The following USP31 variants were observed in gnomAD, a reference collection of about 807,000 sequenced individuals.
USP31 encodes ubiquitin carboxyl-terminal hydrolase 31.
In USP31, 44 loss-of-function variants were observed where a neutral mutation model predicts 119.4. The observed-to-expected ratio is 0.37, with a 90% CI of 0.29 to 0.47. The LOEUF is 0.47. Ranked by LOEUF, USP31 falls within the 20% of genes least tolerant of loss-of-function variation. The probability of loss-of-function intolerance (pLI) is 0.99; values close to 1 mark genes in which losing one functional copy is unlikely to be tolerated. For synonymous variants in USP31, 749 were observed against 705.6 expected (o/e 1.06, Z -0.97); for missense variants, 1,643 against 1,730.2 (o/e 0.95, Z 0.89).
At chr16:23,123,731 G>A (rs759256299) in intron 1 of USP31, among the ~76,000 whole-genome samples, 1 of 152,138 alleles carries the variant, frequency 6.6e-6, no homozygotes, top group South Asian at 2.1e-4. Flanking sequence ...CGGGCATGGT[G>A]TCTCATGCCT....
intron 1 of USP31, 115 bp downstream of exon 1, chr16:23,148,523 A>T (rs1218602311): frequency 1.5e-6 from 2 of 1,328,386 alleles, no homozygotes; most frequent in African/African-American, 3.1e-5. Context: ...GACCACTCGG[A>T]GCAACCAATG....
rs1900223085 is a variant in USP31, at chr16:23,069,013, C to A, written c.3092G>T (p.Gly1031Val). The A allele has an allele frequency of 6.2e-7, 1 of 1,613,702 alleles. No homozygotes were observed. The highest frequency in any genetic ancestry group is 1.3e-5 in the African/African-American group (1 of 74,914). ...STTKRSPSSKGTSEPEKSLRK... is the reference protein window; with the variant it reads ...STTKRSPSSKVTSEPEKSLRK... ...CAAGCTTTTCTCTGGCTCAGAAGTG[C>A]CTTTGGAACTGGGGGATCTCTTAGT... Residue 1031 changes from glycine to valine, a missense_variant, in exon 16 of 16, where the codon GGC (glycine) becomes GTC (valine). Physicochemically the swap from Gly to Val is moderately radical, Grantham distance 109 (BLOSUM62 -3). Coordinates refer to ENST00000219689, the MANE Select transcript of USP31 (RefSeq NM_020718.4).
Position 23,149,275 on chromosome 16 carries a change from G to A in USP31, c.-5C>T, listed in dbSNP as rs1455022634. The A allele has an allele frequency of 2.1e-4, 222 of 1,078,046 alleles. No individual in the cohort carries two copies. The highest frequency in any genetic ancestry group is 2.5e-4 in the Non-Finnish European group (220 of 890,996). 66.8% of individuals were successfully genotyped at this position (1,078,046 alleles called of 1,614,324 possible). A position where few individuals can be genotyped will look rare whatever the true frequency, so the allele number is the denominator to read the frequency against. On this transcript the variant is annotated 5_prime_UTR_variant, in exon 1 of 16. Coordinates refer to ENST00000219689, the MANE Select transcript of USP31 (RefSeq NM_020718.4). The stretch of plus-strand genomic sequence containing the variant: ...AGGCGCCGTTACCTTGGACATGGCG[G>A]CGGCCGCAGACACTCATCACCGCGC...
intron 1 of USP31, 82 bp from the exon 2 acceptor site, chr16:23,108,265 G>C: frequency 6.6e-7 from 1 of 1,503,836 alleles, no homozygotes. Context: ...TCGCAAAAGG[G>C]ATGCAAGATC....
At chr16:23,106,108 A>G (rs1294123529) in intron 4 of USP31, 105 bp downstream of exon 4, 12 of 1,226,360 alleles carry the variant, frequency 9.8e-6, no homozygotes, top group Non-Finnish European at 1.0e-5. Context: ...CCCATTATTA[A>G]TCCCATTACC....
At chr16:23,144,502 CAG>C (rs1903449335) in intron 1 of USP31, among the ~76,000 whole-genome samples, 1 of 151,632 alleles carries the variant, frequency 6.6e-6, no homozygotes. Context: ...TTTTTTGAGG[CAG>C]AGTCTCACTC....
chr16:23,069,600 T>A lies in USP31; in HGVS notation c.2505A>T (p.Arg835=). The A allele has an allele frequency of 6.2e-7, 1 of 1,607,864 alleles. No individual in the cohort carries two copies. The highest frequency in any genetic ancestry group is 8.5e-7 in the Non-Finnish European group (1 of 1,175,184). ...GACGCTGGACACTTCTCACAAATGGTCGAGTTGAAAAGCCTCCTGAACACA... is the reference window on the plus strand; with the variant it reads ...GACGCTGGACACTTCTCACAAATGGACGAGTTGAAAAGCCTCCTGAACACA... The part of the protein sequence containing the change: ...RSEDDGGFST[R]PFVRSVQRQS... The change falls in exon 16 of 16, where the codon CGA becomes CGT. Residue 835 remains arginine (R), a synonymous_variant. Coordinates refer to ENST00000219689, the MANE Select transcript of USP31 (RefSeq NM_020718.4).
Position 23,085,130 on chromosome 16 carries a change from C to A in USP31, c.1701-141G>T, listed in dbSNP as rs886265722. ...ATGTGTAAGAAAACAAAAGTAGTGACCCAACTTTTCTATATTCCAAAATGT... is the reference window on the plus strand; with the variant it reads ...ATGTGTAAGAAAACAAAAGTAGTGAACCAACTTTTCTATATTCCAAAATGT... On this transcript the variant is annotated intron_variant, in intron 10 of 15. Coordinates refer to ENST00000219689, the MANE Select transcript of USP31 (RefSeq NM_020718.4). 1.9e-5 allele frequency: 24 copies of A among 1,233,700 alleles called. No homozygotes were observed. The South Asian group carries it at 3.4e-4, about 17-fold the overall frequency. 76.4% of individuals were successfully genotyped at this position (1,233,700 alleles called of 1,614,324 possible).
At chr16:23,116,979 C>T (rs1263723470) in intron 1 of USP31, among the ~76,000 whole-genome samples, 1 of 152,172 alleles carries the variant, frequency 6.6e-6, no homozygotes, top group Non-Finnish European at 1.5e-5. Flanking sequence ...AAAGGTATTT[C>T]AGAGTTCATA....
chr16:23,101,741 C>T (rs540099309), intron 6 of USP31, among the ~76,000 whole-genome samples: 1 of 152,184 alleles, frequency 6.6e-6, no homozygotes, highest in Non-Finnish European at 1.5e-5. Flanking sequence ...GTCTGAGTTG[C>T]TTGGTAACTC....
intron 1 of USP31, among the ~76,000 whole-genome samples, chr16:23,118,627 G>C (rs1439397425): frequency 1.3e-5 from 2 of 151,968 alleles, no homozygotes; most frequent in African/African-American, 4.8e-5. Flanking sequence ...CATATCTCTA[G>C]GACATACCAT....
chr16:23,092,819 G>C (rs548185624), intron 6 of USP31, among the ~76,000 whole-genome samples: 93 of 152,244 alleles, frequency 6.1e-4, no homozygotes, highest in African/African-American at 2.1e-3. Context: ...CAATATACAG[G>C]ATCACCGAAA....
In USP31 at chr16:23,062,059, TATC is replaced by T. The variant is rs1320502409; in HGVS notation, c.*5984_*5986del. ...ATTGCATTTGGACGACTGCAACAGA[TATC>T]ATTATTCTGGATGGCCTTTCTAAAG... On this transcript the variant is annotated 3_prime_UTR_variant, in exon 16 of 16. Coordinates refer to ENST00000219689, the MANE Select transcript of USP31 (RefSeq NM_020718.4). 10 of 152,686 alleles carry T rather than the reference TATC, an allele frequency of 6.5e-5. No individual in the cohort carries two copies. The highest frequency in any genetic ancestry group is 1.9e-4 in the East Asian group (1 of 5,202). The allele number at this position is 152,686 out of a possible 1,614,324, so 9.5% of individuals were successfully genotyped here. A position where few individuals can be genotyped will look rare whatever the true frequency, so the allele number is the denominator to read the frequency against.
chr16:23,087,680 A>G, intron 8 of USP31, 44 bp downstream of exon 8: 1 of 1,508,520 alleles, frequency 6.6e-7, no homozygotes, highest in Non-Finnish European at 9.2e-7. Flanking sequence ...TTCTTCACTG[A>G]GTATATACCC....
At chr16:23,119,910 T>C (rs926963541) in intron 1 of USP31, among the ~76,000 whole-genome samples, 2 of 152,176 alleles carry the variant, frequency 1.3e-5, no homozygotes, top group African/African-American at 2.4e-5. Context: ...TTCTTCACCT[T>C]AAATGCTCAA....
In USP31 at chr16:23,069,003, C is replaced by T. The variant is rs375532171; in HGVS notation, c.3102G>A (p.Glu1034=). 1.2e-4 allele frequency: 195 copies of T among 1,613,980 alleles called. No individual in the cohort carries two copies. The highest frequency in any genetic ancestry group is 1.5e-4 in the Non-Finnish European group (181 of 1,180,034). The change falls in exon 16 of 16, where the codon GAG becomes GAA. Residue 1034 remains glutamate, a synonymous_variant. Transcript: ENST00000219689. ...TCCCCTTCCGCAAGCTTTTCTCTGG[C>T]TCAGAAGTGCCTTTGGAACTGGGGG... is the stretch of plus-strand genomic sequence containing the variant. ...KRSPSSKGTS[E]PEKSLRKGRP... is the part of the protein sequence containing the mutation.
intron 1 of USP31, among the ~76,000 whole-genome samples, chr16:23,120,128 AT>A (rs1435932585): frequency 2.6e-5 from 4 of 152,186 alleles, no homozygotes; most frequent in Admixed American, 6.5e-5. Context: ...ATTCAAAACT[AT>A]AGTAAAACAA....
chr16:23,080,916 C>T (rs765952514), intron 12 of USP31, among the ~76,000 whole-genome samples: 1 of 152,176 alleles, frequency 6.6e-6, no homozygotes, highest in Non-Finnish European at 1.5e-5. Flanking sequence ...AGTGTATCCT[C>T]TGTGGCTTTT....
chr16:23,146,884 G>A (rs1307395683), intron 1 of USP31, among the ~76,000 whole-genome samples: 2 of 151,414 alleles, frequency 1.3e-5, no homozygotes, highest in Non-Finnish European at 2.9e-5. Context: ...GAAGACAAAT[G>A]GAAACCCAAT....
Sources: allele counts gnomAD v4.1 joint callset (sites outside exome capture counted in the v4.1 genomes callset), GRCh38; gene constraint gnomAD v4.1.1; transcripts MANE v1.5; gene names NCBI Gene and HGNC (gene_info 2026-07-23, HGNC 2026-07-21).